The following IGSF11 variants were observed in gnomAD, a reference collection of about 807,000 sequenced individuals.
IGSF11 encodes the protein immunoglobulin superfamily member 11.
A neutral mutation model predicts 41.0 loss-of-function variants in IGSF11; 22 were observed. That is an observed-to-expected ratio of 0.54 (90% CI 0.38 to 0.77). The LOEUF is 0.77. Among genes scored for constraint, IGSF11 ranks in the 30% least tolerant of loss-of-function variants. The pLI, the probability that IGSF11 is intolerant of heterozygous loss-of-function variation, is 0.00. For synonymous variants in IGSF11, 219 were observed against 201.3 expected (o/e 1.09, Z -0.74); for missense variants, 444 against 530.8 (o/e 0.84, Z 1.61).
At chr3:118,930,342 G>A (rs554202283) in intron 1 of IGSF11, 67 bp from the exon 2 acceptor site, 1 of 1,457,612 alleles carries the variant, frequency 6.9e-7, no homozygotes, top group East Asian at 2.4e-5. Context: ...CCTTCAGGAA[G>A]GTTTGCGTGT....
chr3:118,997,128 G>A (rs1936348720), intron 1 of IGSF11, among the ~76,000 whole-genome samples: 1 of 151,898 alleles, frequency 6.6e-6, no homozygotes, highest in South Asian at 2.1e-4. Flanking sequence ...CACTATTTCA[G>A]GACTAAACAG....
At chr3:118,949,765 A>G (rs1374310552) in intron 1 of IGSF11, among the ~76,000 whole-genome samples, 2 of 152,238 alleles carry the variant, frequency 1.3e-5, no homozygotes, top group Non-Finnish European at 2.9e-5. Context: ...AGCCAAGACT[A>G]AAATTCAAGT....
chr3:119,068,208 T>A (rs1268381521), intron 1 of IGSF11, among the ~76,000 whole-genome samples: 2 of 152,254 alleles, frequency 1.3e-5, no homozygotes, highest in African/African-American at 4.8e-5. Flanking sequence ...AGTGGATCAC[T>A]AACTTTTGAA....
chr3:119,119,362 G>T (rs1016470577), intron 1 of IGSF11, among the ~76,000 whole-genome samples: 1 of 152,110 alleles, frequency 6.6e-6, no homozygotes, highest in Non-Finnish European at 1.5e-5. Context: ...AGCTTGTGCA[G>T]GGAAACACCT....
At chr3:119,073,810 G>T (rs1489790928) in intron 1 of IGSF11, among the ~76,000 whole-genome samples, 1 of 152,236 alleles carries the variant, frequency 6.6e-6, no homozygotes. Flanking sequence ...AGCAGAGGGA[G>T]CTGGCTCCCG....
At chr3:119,015,836 G>A (rs1245248753) in intron 1 of IGSF11, among the ~76,000 whole-genome samples, 2 of 152,104 alleles carry the variant, frequency 1.3e-5, no homozygotes, top group Non-Finnish European at 2.9e-5. Flanking sequence ...GGTGCCTGAC[G>A]TCCATCACTT....
intron 1 of IGSF11, among the ~76,000 whole-genome samples, chr3:119,115,285 A>G (rs1239584888): frequency 6.6e-6 from 1 of 152,182 alleles, no homozygotes; most frequent in Non-Finnish European, 1.5e-5. Context: ...TTACTGGATC[A>G]TAAGGTAGCG....
chr3:119,059,536 G>C (rs1002401342), intron 1 of IGSF11, among the ~76,000 whole-genome samples: 1 of 151,994 alleles, frequency 6.6e-6, no homozygotes, highest in African/African-American at 2.4e-5. Context: ...AAAATACCAC[G>C]TGTTCCCCAA....
At chr3:119,037,660 G>A (rs1293492786), upstream of IGSF11, among the ~76,000 whole-genome samples, 1 of 152,188 alleles carries the variant, frequency 6.6e-6, no homozygotes, top group Non-Finnish European at 1.5e-5. Flanking sequence ...AACTGCTAAA[G>A]TTCACATTTT....
In IGSF11 at chr3:119,074,005, C is replaced by T. The variant is rs556215123; in HGVS notation, c.49+31139G>A. Among the ~76,000 whole-genome samples the T allele has an allele frequency of 1.3e-3, 200 of 152,218 alleles. 9 individuals carry two copies. The South Asian group carries it at 0.04, about 30-fold the overall frequency. The stretch of plus-strand genomic sequence containing the variant: ...ATATGGACCCAACACTGGAGCACCC[C>T]GATTCATAAAACAAGCTCTTAGAGA... On this transcript the variant is annotated intron_variant, in intron 1 of 6. Coordinates refer to the IGSF11 transcript ENST00000354673.
intron 1 of IGSF11, among the ~76,000 whole-genome samples, chr3:119,092,081 G>A (rs531524562): frequency 2.6e-5 from 4 of 151,330 alleles, no homozygotes; most frequent in Non-Finnish European, 4.4e-5. Context: ...GTGCAATCTC[G>A]GCTCACTGAA....
At chr3:119,105,177 G>T in exon 1 of IGSF11, 1 of 1,608,306 alleles carries the variant, frequency 6.2e-7, no homozygotes, top group Non-Finnish European at 8.5e-7. Flanking sequence ...CAGAGCAAAA[G>T]TTCCACCAGA....
At chr3:119,105,099 T>C (rs771356609) in intron 1 of IGSF11, 3 of 1,283,390 alleles carry the variant, frequency 2.3e-6, no homozygotes, top group Non-Finnish European at 3.4e-6. Flanking sequence ...TAAGAGATAA[T>C]AACCACTAAT....
At chr3:118,959,854 T>G (rs1945215819) in intron 1 of IGSF11, among the ~76,000 whole-genome samples, 1 of 151,920 alleles carries the variant, frequency 6.6e-6, no homozygotes, top group Non-Finnish European at 1.5e-5. Context: ...GAGACCATCC[T>G]GGCTAAAATG....
chr3:119,043,776 G>T (rs920838391), intron 1 of IGSF11, among the ~76,000 whole-genome samples: 1 of 152,140 alleles, frequency 6.6e-6, no homozygotes, highest in Non-Finnish European at 1.5e-5. Flanking sequence ...AGCCCAGTTA[G>T]CCCCACTGGG....
In IGSF11 at chr3:119,115,546, C is replaced by A. The variant is rs1361219420; in HGVS notation, c.-13-10341G>T. 3.3e-5 allele frequency among the ~76,000 whole-genome samples: 5 copies of A among 150,360 alleles called. 1 individual carries two copies. The East Asian group carries it at 9.7e-4, about 29-fold the overall frequency. On this transcript the variant is annotated intron_variant, in intron 1 of 7. Transcript: ENST00000425327. ...ATATACCTGTTTGCCATTTGTATGT[C>A]TTCTTTTGAGAAATGTCTATTCAGA...
In IGSF11 at chr3:118,983,636, T is replaced by C. The variant is rs7646750; in HGVS notation, c.52+50895A>G. ...ACACTTCAAATGAGGTGGGTATTAT[T>C]ATTCCAGTTACACAAATGAGAAAAC... On this transcript the variant is annotated intron_variant, in intron 1 of 6. Transcript: ENST00000393775. 9.4e-3 allele frequency among the ~76,000 whole-genome samples: 1,431 copies of C among 152,268 alleles called. 32 individuals are homozygous for C. Among genetic ancestry groups the C allele is most frequent in the African/African-American group, 0.033 (1,356 of 41,528 alleles).
chr3:118,936,016 TGTAATAAAAAGTTTCTTAGA>T (rs1365686562), intron 1 of IGSF11, among the ~76,000 whole-genome samples: 47 of 152,064 alleles, frequency 3.1e-4, no homozygotes, highest in Non-Finnish European at 4.9e-4. Context: ...TAGAACTATG[TGTAATAAAAAGTTTCTTAGA>T]GTAATAAAAA....
At chr3:119,139,641 A>G (rs2077613114) in intron 1 of IGSF11, among the ~76,000 whole-genome samples, 1 of 152,176 alleles carries the variant, frequency 6.6e-6, no homozygotes, top group South Asian at 2.1e-4. Flanking sequence ...TAAGTCCATT[A>G]AACCTCTTTA....
Sources: allele counts gnomAD v4.1 joint callset (sites outside exome capture counted in the v4.1 genomes callset), GRCh38; gene constraint gnomAD v4.1.1; transcripts MANE v1.5; gene names NCBI Gene and HGNC (gene_info 2026-07-23, HGNC 2026-07-21).